KYAT3: variants seen among roughly 807,000 people sequenced by gnomAD.
KYAT3 encodes the protein kynurenine--oxoglutarate transaminase 3.
Under a neutral mutation model 59.0 loss-of-function variants are expected in KYAT3, and 50 were observed. The observed-to-expected ratio is 0.85, with a 90% CI of 0.68 to 1.07. The LOEUF (loss-of-function observed/expected upper bound fraction) is 1.07. Among genes scored for constraint, KYAT3 ranks in the 50% least tolerant of loss-of-function variants. KYAT3 has a pLI of 0.00. For synonymous variants in KYAT3, 148 were observed against 177.0 expected (o/e 0.84, Z 1.30); for missense variants, 497 against 533.3 (o/e 0.93, Z 0.67).
chr1:88,949,160 C>A lies in KYAT3; in HGVS notation c.1072G>T (p.Glu358Ter). Reference sequence around the variant, plus strand: ...ACTATGGGTTTTAGGCCAACACTTTCAAGTAAACGTACCATCCGATCTCTT... The same window carrying A: ...ACTATGGGTTTTAGGCCAACACTTTAAAGTAAACGTACCATCCGATCTCTT... ...VKRDRMVRLL[E>*]SVGLKPIVPD... The change falls in exon 11 of 14, where the codon GAA (glutamate) becomes TAA (stop). Residue 358 changes from glutamate (E) to a stop codon, truncating the protein, a stop_gained. Transcript: ENST00000260508. LOFTEE classifies it high-confidence loss of function. 3.7e-6 allele frequency: 6 copies of A among 1,610,360 alleles called. No individual in the cohort carries two copies. The highest frequency in any genetic ancestry group is 4.2e-6 in the Non-Finnish European group (5 of 1,178,688).
intron 2 of KYAT3, chr1:88,982,998 T>C (rs1270046034): frequency 1.2e-6 from 2 of 1,613,314 alleles, no homozygotes; most frequent in Admixed American, 1.7e-5. Flanking sequence ...GAACCTCCAC[T>C]TGGATGATCT....
the KYAT3 span, among the ~76,000 whole-genome samples, chr1:88,929,330 T>G: frequency 3.9e-5 from 6 of 152,066 alleles, no homozygotes; most frequent in Non-Finnish European, 7.4e-5. Context: ...TACCCAGCTG[T>G]ACCTAACCCT....
chr1:88,977,026 T>A (rs970295925), intron 2 of KYAT3, among the ~76,000 whole-genome samples: 2 of 152,084 alleles, frequency 1.3e-5, no homozygotes, highest in African/African-American at 4.8e-5. Context: ...TTCTGTTTTG[T>A]TTTTTTGAGA....
In KYAT3 at chr1:88,955,244, A is replaced by G; in HGVS notation, c.788-19T>C. 6.9e-7 allele frequency: 1 copy of G among 1,455,300 alleles called. No individual in the cohort carries two copies. The highest frequency in any genetic ancestry group is 9.6e-7 in the Non-Finnish European group (1 of 1,038,070). The allele number at this position is 1,455,300 out of a possible 1,614,324, so 90.1% of individuals were successfully genotyped here. On this transcript the variant is annotated intron_variant, in intron 8 of 13. Transcript: ENST00000260508. ...AAAGTAGCTAAACAGAGGAGGAAAA[A>G]AGGGTAAATATTGTTTTCCAATTAA... is the stretch of plus-strand genomic sequence containing the variant.
At chr1:88,928,999 C>G in the KYAT3 span, among the ~76,000 whole-genome samples, 1 of 152,050 alleles carries the variant, frequency 6.6e-6, no homozygotes, top group African/African-American at 2.4e-5. Flanking sequence ...AGAAGGAACA[C>G]TCGTTTGTTG....
In KYAT3 at chr1:88,969,483, A is replaced by G; in HGVS notation, c.100-16T>C. On this transcript the variant is annotated splice_polypyrimidine_tract_variant and intron_variant, in intron 2 of 13. Coordinates refer to ENST00000260508, the MANE Select transcript of KYAT3 (RefSeq NM_001008661.3). ...GTGACATTTTCTGAAATATATAAAT[A>G]TTGAAAAGGAATTGCCTTAGTCAAA... 1 of 1,479,944 alleles carries G rather than the reference A, an allele frequency of 6.8e-7. No individual in the cohort carries two copies. Among genetic ancestry groups the G allele is most frequent in the Non-Finnish European group, 9.4e-7 (1 of 1,061,942 alleles). The allele number at this position is 1,479,944 out of a possible 1,614,324, so 91.7% of individuals were successfully genotyped here.
chr1:88,937,997 A>G (rs1323230464), intron 13 of KYAT3, among the ~76,000 whole-genome samples: 1 of 152,180 alleles, frequency 6.6e-6, no homozygotes, highest in Non-Finnish European at 1.5e-5. Flanking sequence ...TATTGGGACA[A>G]TGAATGACAT....
intron 1 of KYAT3, among the ~76,000 whole-genome samples, chr1:88,991,689 C>G (rs1035842710): frequency 5.9e-5 from 9 of 152,216 alleles, no homozygotes; most frequent in Admixed American, 5.9e-4. Context: ...AAAAACTGTT[C>G]TATGAAAATG....
intron 2 of KYAT3, chr1:88,983,811 G>C: frequency 6.2e-7 from 1 of 1,610,926 alleles, no homozygotes; most frequent in South Asian, 1.1e-5. Flanking sequence ...TTTCCTGGGC[G>C]ATCTGCTTCA....
At chr1:88,930,828 T>C (rs1674891861), downstream of KYAT3, among the ~76,000 whole-genome samples, 1 of 151,454 alleles carries the variant, frequency 6.6e-6, no homozygotes, top group East Asian at 2.0e-4. Context: ...CCTAAAGAGG[T>C]GGCAGTCTTA....
intron 2 of KYAT3, among the ~76,000 whole-genome samples, chr1:88,978,248 C>T (rs887981948): frequency 1.3e-5 from 2 of 152,084 alleles, no homozygotes; most frequent in South Asian, 2.1e-4. Flanking sequence ...CTGTTATGTT[C>T]TTTCCTAGCT....
chr1:88,926,383 C>T, the KYAT3 span, among the ~76,000 whole-genome samples: 5 of 152,178 alleles, frequency 3.3e-5, no homozygotes, highest in African/African-American at 7.2e-5. Flanking sequence ...ACAATTATGG[C>T]GCTCACTGCA....
At chr1:88,990,226 C>T (rs1677702813) in intron 1 of KYAT3, among the ~76,000 whole-genome samples, 1 of 151,780 alleles carries the variant, frequency 6.6e-6, no homozygotes. Flanking sequence ...TGATTATTAC[C>T]TCTTTACTCC....
chr1:88,988,992 A>G (rs1557711236), intron 1 of KYAT3, among the ~76,000 whole-genome samples: 1 of 152,220 alleles, frequency 6.6e-6, no homozygotes, highest in African/African-American at 2.4e-5. Flanking sequence ...GATATCCGTC[A>G]TGGGTAAATG....
intron 3 of KYAT3, 64 bp from the exon 4 acceptor site, chr1:88,968,878 CT>C: frequency 8.1e-7 from 1 of 1,231,980 alleles, no homozygotes; most frequent in Non-Finnish European, 1.1e-6. Flanking sequence ...TTTTTTATAT[CT>C]TATAGTCTTA....
intron 13 of KYAT3, among the ~76,000 whole-genome samples, chr1:88,938,995 C>T (rs1014344711): frequency 5.3e-5 from 8 of 152,224 alleles, no homozygotes; most frequent in African/African-American, 1.9e-4. Flanking sequence ...TGGGAAATCA[C>T]ATCTGAACAG....
At chr1:88,930,764 T>A in the KYAT3 span, among the ~76,000 whole-genome samples, 72,402 of 151,896 alleles carry the variant, frequency 0.48, 17,298 homozygotes, top group Admixed American at 0.51. Context: ...TTCCGAGGGA[T>A]CACCTATCAA....
chr1:88,973,465 G>A (rs1043983607), intron 2 of KYAT3, among the ~76,000 whole-genome samples: 1 of 152,172 alleles, frequency 6.6e-6, no homozygotes, highest in African/African-American at 2.4e-5. Context: ...TCCAGTATCA[G>A]GTAATTAAAA....
intron 9 of KYAT3, among the ~76,000 whole-genome samples, chr1:88,953,634 C>A (rs1174125924): frequency 6.6e-6 from 1 of 151,258 alleles, no homozygotes; most frequent in Non-Finnish European, 1.5e-5. Context: ...TTTCAAGGAA[C>A]AGCTTCCAAA....
Sources: gnomAD v4.1 joint callset for allele counts (sites outside exome capture counted in the v4.1 genomes callset) on GRCh38, gnomAD v4.1.1 for gene constraint, MANE v1.5 for transcripts, NCBI Gene and HGNC (gene_info 2026-07-23, HGNC 2026-07-21) for gene names.